Variants in SNX29 observed in about 807,000 individuals in gnomAD.
SNX29 encodes sorting nexin-29.
A neutral mutation model predicts 102.1 loss-of-function variants in SNX29; 78 were observed. That is an observed-to-expected ratio of 0.76 (90% CI 0.64 to 0.92). The LOEUF (loss-of-function observed/expected upper bound fraction) is 0.92, where lower values mean the gene tolerates loss of function less well. SNX29 is among the 40% of genes least tolerant of loss of function. The pLI, the probability that SNX29 is intolerant of heterozygous loss-of-function variation, is 0.00. For synonymous variants in SNX29, 580 were observed against 414.5 expected, an observed-to-expected ratio of 1.40 and a Z score of -4.85; for missense variants, 1,280 against 1,061.7, an observed-to-expected ratio of 1.21 and a Z score of -2.86.
chr16:12,020,346 C>T (rs953051282), intron 3 of SNX29, among the ~76,000 whole-genome samples: 16 of 151,778 alleles, frequency 1.1e-4, no homozygotes, highest in African/African-American at 1.9e-4. Context: ...GTAATCTTAA[C>T]GCTTTAAAAA....
chr16:12,002,930 T>G, intron 2 of SNX29, 61 bp from the exon 3 acceptor site: 2 of 1,603,352 alleles, frequency 1.2e-6, no homozygotes, highest in Non-Finnish European at 1.7e-6. Context: ...GTAGGCTGTT[T>G]TATGACGTTT....
chr16:12,122,416 A>T (rs1276277916), intron 11 of SNX29, among the ~76,000 whole-genome samples: 2 of 152,034 alleles, frequency 1.3e-5, no homozygotes, highest in Admixed American at 6.6e-5. Context: ...CAAGAGTAAG[A>T]CAGGGCAGGC....
rs191853870 is a variant in SNX29, at chr16:12,549,548, T to C, written c.2319-18958T>C. ...TCTATCTCAAATAGCCAGTAAGGCA[T>C]GGAGTGGGCTTCCACCCTGGGACCC... On this transcript the variant is annotated intron_variant, in intron 20 of 20. Coordinates refer to ENST00000566228, the MANE Select transcript of SNX29 (RefSeq NM_032167.5). 1.0e-3 allele frequency among the ~76,000 whole-genome samples: 117 copies of C among 111,488 alleles called. No individual in the cohort carries two copies. The East Asian group carries it at 0.013, about 13-fold the overall frequency. 73.1% of individuals were successfully genotyped at this position (111,488 alleles called of 152,430 possible). A position where few individuals can be genotyped will look rare whatever the true frequency, so the allele number is the denominator to read the frequency against.
intron 15 of SNX29, among the ~76,000 whole-genome samples, chr16:12,298,513 A>G (rs952207291): frequency 1.3e-5 from 2 of 152,228 alleles, no homozygotes; most frequent in Admixed American, 6.5e-5. Context: ...CATCTGTAAA[A>G]TGGGAATGGT....
At chr16:12,344,940 G>C (rs1421632495) in intron 15 of SNX29, among the ~76,000 whole-genome samples, 4 of 152,226 alleles carry the variant, frequency 2.6e-5, no homozygotes, top group African/African-American at 9.6e-5. Context: ...AGGCCTAGCC[G>C]AGCACCATGT....
intron 20 of SNX29, among the ~76,000 whole-genome samples, chr16:12,565,027 G>T (rs543578470): frequency 1.3e-5 from 2 of 152,110 alleles, no homozygotes; most frequent in African/African-American, 4.8e-5. Flanking sequence ...CCAGTCCTGG[G>T]ATGAGCCTGG....
At chr16:12,196,884 G>A (rs556142236) in intron 13 of SNX29, among the ~76,000 whole-genome samples, 18 of 152,244 alleles carry the variant, frequency 1.2e-4, no homozygotes, top group African/African-American at 2.6e-4. Context: ...GCCTCCCAGC[G>A]TGCTGGGATT....
chr16:12,545,823 G>C lies in SNX29; in HGVS notation c.2318+20982G>C, dbSNP rs576944099. Among the ~76,000 whole-genome samples the C allele has an allele frequency of 2.6e-5, 4 of 152,224 alleles. No individual in the cohort carries two copies. The East Asian group carries it at 7.7e-4, about 29-fold the overall frequency. Reference sequence around the variant, plus strand: ...CAGGGGCCTCCCTACTGACTCTCCAGACCTGTGGGGGAGGGGAGCAGATCA... The same window carrying C: ...CAGGGGCCTCCCTACTGACTCTCCACACCTGTGGGGGAGGGGAGCAGATCA... On this transcript the variant is annotated intron_variant, in intron 20 of 20. Transcript: ENST00000566228.
At chr16:12,125,610 T>C (rs2054178282) in intron 11 of SNX29, among the ~76,000 whole-genome samples, 4 of 31,612 alleles carry the variant, frequency 1.3e-4, no homozygotes, top group South Asian at 1.2e-3. Flanking sequence ...TCTCTCTTTT[T>C]TTTTTTTTTT....
chr16:12,105,218 TCCCTCCCTC>T (rs2053182882), intron 11 of SNX29, among the ~76,000 whole-genome samples: 1 of 103,368 alleles, frequency 9.7e-6, no homozygotes, highest in Non-Finnish European at 2.0e-5. Context: ...CCTCCCTCCC[TCCCTCCCTC>T]CCTTCCTTCC....
At chr16:12,206,051 C>G (rs576927777) in intron 14 of SNX29, among the ~76,000 whole-genome samples, 7 of 152,282 alleles carry the variant, frequency 4.6e-5, no homozygotes, top group East Asian at 1.9e-4. Context: ...GTGCATCACC[C>G]CCATGTAACT....
chr16:12,128,113 G>A (rs192361653), intron 12 of SNX29, among the ~76,000 whole-genome samples: 186 of 152,258 alleles, frequency 1.2e-3, no homozygotes, highest in Middle Eastern at 3.4e-3. Context: ...AAACAAAAGA[G>A]GATGTCTTCA....
intron 11 of SNX29, among the ~76,000 whole-genome samples, chr16:12,105,339 C>G (rs1202421976): frequency 4.6e-5 from 7 of 151,916 alleles, no homozygotes. Flanking sequence ...ATTCTTGTGC[C>G]TCAGCCACCC....
In SNX29 at chr16:12,569,673, TCA is replaced by T. The variant is rs1308123078; in HGVS notation, c.*1045_*1046del. The T allele has an allele frequency of 8.7e-6, 2 of 229,844 alleles. No homozygotes were observed. The highest frequency in any genetic ancestry group is 4.4e-5 in the African/African-American group (2 of 45,134). 14.2% of individuals were successfully genotyped at this position (229,844 alleles called of 1,614,324 possible). On this transcript the variant is annotated 3_prime_UTR_variant, in exon 21 of 21. Transcript: ENST00000566228. ...CTGTTCCTCCCATGTCAGGTGGCTC[TCA>T]GAGTACAGGGACCTTGGCAGGTGGA...
chr16:12,072,458 G>A (rs2051346438), intron 10 of SNX29, among the ~76,000 whole-genome samples: 1 of 152,100 alleles, frequency 6.6e-6, no homozygotes, highest in Non-Finnish European at 1.5e-5. Context: ...CTGTTTATAT[G>A]CTGGATTACA....
intron 11 of SNX29, chr16:12,093,620 A>G (rs1045911665): frequency 1.2e-4 from 19 of 152,152 alleles, no homozygotes; most frequent in African/African-American, 3.9e-4. Flanking sequence ...AGAAAGATCT[A>G]TGTGACCCCG....
chr16:12,292,157 G>T (rs1339786841), intron 15 of SNX29, among the ~76,000 whole-genome samples: 6 of 152,128 alleles, frequency 3.9e-5, no homozygotes, highest in Non-Finnish European at 7.4e-5. Flanking sequence ...GTGAGACAGG[G>T]TGGGGAAGGG....
chr16:12,211,374 T>G (rs2077178894), intron 14 of SNX29, among the ~76,000 whole-genome samples: 1 of 152,224 alleles, frequency 6.6e-6, no homozygotes. Flanking sequence ...CTCTGTTCAT[T>G]GGGTACCTGT....
At chr16:12,176,528 C>T (rs974853739) in intron 13 of SNX29, among the ~76,000 whole-genome samples, 1 of 152,104 alleles carries the variant, frequency 6.6e-6, no homozygotes, top group African/African-American at 2.4e-5. Flanking sequence ...GAAAACAACA[C>T]AAATAAAAAT....
Sources: allele counts gnomAD v4.1 joint callset (sites outside exome capture counted in the v4.1 genomes callset), GRCh38; gene constraint gnomAD v4.1.1; transcripts MANE v1.5; gene names NCBI Gene and HGNC (gene_info 2026-07-23, HGNC 2026-07-21).